CADM2: variants seen among roughly 807,000 people sequenced by gnomAD.
The protein encoded by CADM2 is immunoglobulin superfamily member 4D.
In CADM2, 12 loss-of-function variants were observed where a neutral mutation model predicts 49.8. The ratio of observed to expected loss-of-function variants is 0.24; its 90% confidence interval spans 0.15 to 0.39. CADM2 has a LOEUF of 0.39. Ranked by LOEUF, CADM2 falls within the 10% of genes least tolerant of loss-of-function variation. The pLI is 1.00. For missense variants in CADM2, 378 were observed against 492.3 expected, an observed-to-expected ratio of 0.77 and a Z score of 2.20; for synonymous variants, 214 against 175.4, an observed-to-expected ratio of 1.22 and a Z score of -1.74.
At chr3:85,403,471 C>A (rs1318309728) in intron 1 of CADM2, among the ~76,000 whole-genome samples, 1 of 151,932 alleles carries the variant, frequency 6.6e-6, no homozygotes, top group African/African-American at 2.4e-5. Flanking sequence ...TTATGGAAAA[C>A]AAACAAACAA....
At chr3:85,068,220 T>C (rs2036592987) in intron 1 of CADM2, among the ~76,000 whole-genome samples, 1 of 152,160 alleles carries the variant, frequency 6.6e-6, no homozygotes, top group Non-Finnish European at 1.5e-5. Flanking sequence ...CCCATTGATC[T>C]CCTCTCTAAA....
At chr3:85,370,095 C>G (rs1051344610) in intron 1 of CADM2, among the ~76,000 whole-genome samples, 3 of 151,682 alleles carry the variant, frequency 2.0e-5, no homozygotes, top group African/African-American at 7.3e-5. Context: ...TGCCTGTAAT[C>G]CCAACTACTC....
At chr3:85,558,182 A>G (rs2062009499) in intron 1 of CADM2, among the ~76,000 whole-genome samples, 1 of 151,966 alleles carries the variant, frequency 6.6e-6, no homozygotes, top group African/African-American at 2.4e-5. Context: ...TTATACATAG[A>G]AATTTATAGA....
chr3:85,034,635 T>C (rs997240267), intron 1 of CADM2, among the ~76,000 whole-genome samples: 8 of 152,076 alleles, frequency 5.3e-5, no homozygotes, highest in African/African-American at 1.9e-4. Flanking sequence ...GATAGTATGA[T>C]AGCTCTATTT....
intron 8 of CADM2, among the ~76,000 whole-genome samples, chr3:86,033,557 C>T (rs1734789746): frequency 6.6e-6 from 1 of 151,042 alleles, no homozygotes; most frequent in African/African-American, 2.4e-5. Flanking sequence ...AATTGTTCTA[C>T]ACTTGTGTTC....
intron 6 of CADM2, among the ~76,000 whole-genome samples, chr3:85,920,561 A>G (rs1268022264): frequency 6.6e-6 from 1 of 151,796 alleles, no homozygotes; most frequent in East Asian, 1.9e-4. Flanking sequence ...GATTCTAAAA[A>G]ATTTTTAATT....
At chr3:85,056,530 A>G (rs2036086355) in intron 1 of CADM2, among the ~76,000 whole-genome samples, 2 of 152,100 alleles carry the variant, frequency 1.3e-5, no homozygotes, top group Non-Finnish European at 2.9e-5. Flanking sequence ...TATAAAAGAT[A>G]GGGGCCTTAA....
chr3:85,505,044 C>T (rs867823624), intron 1 of CADM2, among the ~76,000 whole-genome samples: 56 of 152,118 alleles, frequency 3.7e-4, no homozygotes, highest in Non-Finnish European at 5.0e-4. Flanking sequence ...CCCCGGTTCC[C>T]GCTGGCGCCT....
chr3:85,393,088 T>TA (rs2034597503), intron 1 of CADM2, among the ~76,000 whole-genome samples: 5 of 28,782 alleles, frequency 1.7e-4, no homozygotes, highest in African/African-American at 4.2e-4. Context: ...AGTAAACTCT[T>TA]TAAAAAAAAA....
At chr3:85,514,233 C>T (rs2060841453) in intron 1 of CADM2, among the ~76,000 whole-genome samples, 1 of 152,010 alleles carries the variant, frequency 6.6e-6, no homozygotes, top group African/African-American at 2.4e-5. Context: ...TGCCACATTA[C>T]ACAAAGAGTT....
chr3:85,944,847 C>T (rs1722444116), intron 7 of CADM2, among the ~76,000 whole-genome samples: 1 of 151,916 alleles, frequency 6.6e-6, no homozygotes, highest in Admixed American at 6.6e-5. Context: ...AATTGACACC[C>T]TAATATCACA....
chr3:86,024,459 A>G (rs970721540), intron 8 of CADM2, among the ~76,000 whole-genome samples: 2 of 152,214 alleles, frequency 1.3e-5, no homozygotes, highest in Non-Finnish European at 2.9e-5. Flanking sequence ...GAGATACTTT[A>G]TGGAGTATTA....
At chr3:85,015,219 C>T (rs1230741629) in intron 1 of CADM2, among the ~76,000 whole-genome samples, 1 of 151,834 alleles carries the variant, frequency 6.6e-6, no homozygotes. Flanking sequence ...CTTACTTAAG[C>T]CAGAAAAAAA....
At chr3:85,434,667 G>A (rs1053758359) in intron 1 of CADM2, among the ~76,000 whole-genome samples, 1 of 151,794 alleles carries the variant, frequency 6.6e-6, no homozygotes, top group African/African-American at 2.4e-5. Flanking sequence ...TTCATTCTAC[G>A]TATTTCTGAT....
chr3:85,659,980 T>C (rs2065349966), intron 1 of CADM2, among the ~76,000 whole-genome samples: 1 of 152,170 alleles, frequency 6.6e-6, no homozygotes, highest in Non-Finnish European at 1.5e-5. Flanking sequence ...CACCCATTTG[T>C]CCAATACCTT....
intron 1 of CADM2, among the ~76,000 whole-genome samples, chr3:85,148,511 A>G (rs1320656005): frequency 6.6e-6 from 1 of 152,202 alleles, no homozygotes. Context: ...TTTTTACATC[A>G]TATATAACTG....
intron 1 of CADM2, among the ~76,000 whole-genome samples, chr3:85,550,439 A>C (rs1479064048): frequency 6.6e-6 from 1 of 152,128 alleles, no homozygotes; most frequent in Non-Finnish European, 1.5e-5. Context: ...TACAATTGCG[A>C]ATTCTCAGTC....
chr3:85,880,068 G>A (rs960643683), intron 3 of CADM2, among the ~76,000 whole-genome samples: 1 of 151,966 alleles, frequency 6.6e-6, no homozygotes, highest in Non-Finnish European at 1.5e-5. Flanking sequence ...CTATAATTTT[G>A]TTATCTCAAA....
Position 85,013,022 on chromosome 3 carries a change from C to T in CADM2, c.61+53354C>T, listed in dbSNP as rs576308833. ...TAAATTACCTGAAGTCTTTTTTAAG[C>T]ATTGATATATTAATGAATGTGTTGC... On this transcript the variant is annotated intron_variant, in intron 1 of 9. Transcript: ENST00000383699. Among the ~76,000 whole-genome samples, 14 of 151,310 alleles carry T rather than the reference C, an allele frequency of 9.3e-5. No individual in the cohort carries two copies. In the South Asian group the frequency reaches 2.7e-3, roughly 29 times the overall value.
Sources: gnomAD v4.1 joint callset for allele counts (sites outside exome capture counted in the v4.1 genomes callset) on GRCh38, gnomAD v4.1.1 for gene constraint, MANE v1.5 for transcripts, NCBI Gene and HGNC (gene_info 2026-07-23, HGNC 2026-07-21) for gene names.